CDH4: variants seen among roughly 807,000 people sequenced by gnomAD.
CDH4 encodes the protein cadherin-4.
CDH4 carries 33 observed loss-of-function variants against 86.0 expected under a neutral mutation model. That is an observed-to-expected ratio of 0.38 (90% CI 0.29 to 0.51). The LOEUF is 0.51. Among genes scored for constraint, CDH4 ranks in the 20% least tolerant of loss-of-function variants. The pLI is 0.86. For missense variants in CDH4, 1,114 were observed against 1,307.4 expected (o/e 0.85, Z 2.28); for synonymous variants, 555 against 549.4 (o/e 1.01, Z -0.14).
intron 2 of CDH4, among the ~76,000 whole-genome samples, chr20:61,538,386 CACAG>C (rs1208615618): frequency 6.6e-6 from 1 of 152,122 alleles, no homozygotes; most frequent in Admixed American, 6.5e-5. Flanking sequence ...GAGGTTTACT[CACAG>C]ACAGATTTGT....
intron 2 of CDH4, among the ~76,000 whole-genome samples, chr20:61,323,251 G>A (rs145067495): frequency 2.4e-4 from 37 of 152,302 alleles, no homozygotes; most frequent in African/African-American, 8.4e-4. Flanking sequence ...TAGCTGCAGG[G>A]CAGCCCAGTG....
chr20:61,812,976 G>A (rs550659092), intron 4 of CDH4, among the ~76,000 whole-genome samples: 4 of 152,328 alleles, frequency 2.6e-5, no homozygotes, highest in South Asian at 2.1e-4. Flanking sequence ...AAGTCCAGAC[G>A]TGGTGGAGGC....
intron 2 of CDH4, among the ~76,000 whole-genome samples, chr20:61,508,560 T>C (rs2085758177): frequency 6.6e-6 from 1 of 152,216 alleles, no homozygotes; most frequent in Admixed American, 6.5e-5. Context: ...CAGACCAGGC[T>C]GTGGCAGGGT....
intron 3 of CDH4, among the ~76,000 whole-genome samples, chr20:61,759,137 C>T (rs1478182114): frequency 6.6e-6 from 1 of 152,104 alleles, no homozygotes; most frequent in East Asian, 1.9e-4. Context: ...TTCAGAGCCC[C>T]CCAAGCAGAG....
chr20:61,439,239 G>T (rs1473291017), intron 2 of CDH4, among the ~76,000 whole-genome samples: 1 of 152,112 alleles, frequency 6.6e-6, no homozygotes. Context: ...TGTGCGTTTT[G>T]GTTGTGCTGC....
chr20:61,622,535 A>G (rs972198143), intron 2 of CDH4, among the ~76,000 whole-genome samples: 1 of 152,262 alleles, frequency 6.6e-6, no homozygotes, highest in East Asian at 1.9e-4. Context: ...ACAGGGAGAC[A>G]GAGGGTCCTA....
chr20:61,305,106 G>A (rs1280416892), intron 2 of CDH4, among the ~76,000 whole-genome samples: 2 of 152,034 alleles, frequency 1.3e-5, no homozygotes, highest in East Asian at 3.9e-4. Flanking sequence ...TGTGTGTGGT[G>A]TGTGCTCTGG....
intron 2 of CDH4, among the ~76,000 whole-genome samples, chr20:61,665,816 G>T (rs2087317367): frequency 6.6e-6 from 1 of 152,192 alleles, no homozygotes; most frequent in Admixed American, 6.5e-5. Context: ...AGCGTACACG[G>T]TCCTCCAGCA....
chr20:61,648,515 C>T (rs540447729), intron 2 of CDH4, among the ~76,000 whole-genome samples: 46 of 152,290 alleles, frequency 3.0e-4, no homozygotes, highest in African/African-American at 1.1e-3. Context: ...CCCACTTTGT[C>T]GTCTAGACAG....
At position 61,252,852 on chromosome 20, in the gene CDH4, A is replaced by G. The variant is rs28494162; in HGVS notation, c.57+282A>G. Among the ~76,000 whole-genome samples, 149,521 of 151,824 alleles carry G rather than the reference A, an allele frequency of 0.98. 73,652 individuals carry two copies. The highest frequency in any genetic ancestry group is 1 in the East Asian group (5,036 of 5,036). ...CACCGGACCCGCCGAGCCTCCCTCGAACGCCCAAAGCCCGTAGCCGCTACC... is the reference window on the plus strand; with the variant it reads ...CACCGGACCCGCCGAGCCTCCCTCGGACGCCCAAAGCCCGTAGCCGCTACC... On this transcript the variant is annotated intron_variant, in intron 1 of 15. Transcript: ENST00000614565. This position sits in a 1 kb window ranked among gnomAD's most constrained non-coding sequence, Gnocchi z 4.4.
chr20:61,794,914 G>A (rs1979444006), intron 4 of CDH4, among the ~76,000 whole-genome samples: 1 of 151,924 alleles, frequency 6.6e-6, no homozygotes. Context: ...TAATTCCTGA[G>A]CCACTCCTGA....
rs560302585 is a variant in CDH4, at chr20:61,647,653, T to C, written c.170-95910T>C. Reference sequence around the variant, plus strand: ...GTGGGGAAGATCTTCCCCACCAGGCTGATCCCCATCTGGGAGGCTACTGCT... The same window carrying C: ...GTGGGGAAGATCTTCCCCACCAGGCCGATCCCCATCTGGGAGGCTACTGCT... On this transcript the variant is annotated intron_variant, in intron 2 of 15. Transcript: ENST00000614565. 3.4e-5 allele frequency among the ~76,000 whole-genome samples: 5 copies of C among 149,186 alleles called. No homozygotes were observed. The South Asian group carries it at 1.1e-3, about 33-fold the overall frequency.
chr20:61,660,609 C>T (rs985017467), intron 2 of CDH4, among the ~76,000 whole-genome samples: 17 of 152,034 alleles, frequency 1.1e-4, no homozygotes, highest in African/African-American at 3.4e-4. Context: ...GTGGACGGGG[C>T]GGTCGTTCCC....
intron 7 of CDH4, among the ~76,000 whole-genome samples, chr20:61,892,157 C>T (rs931921186): frequency 5.9e-5 from 9 of 152,208 alleles, no homozygotes; most frequent in African/African-American, 1.4e-4. Flanking sequence ...CACAGGCCAT[C>T]GCTTGCTGTC....
intron 2 of CDH4, among the ~76,000 whole-genome samples, chr20:61,331,975 T>G (rs2084583787): frequency 6.6e-6 from 1 of 152,168 alleles, no homozygotes; most frequent in African/African-American, 2.4e-5. Context: ...AAGGGAGCTG[T>G]GCCTCTGCCC....
chr20:61,820,424 G>A (rs1041743316), intron 4 of CDH4, among the ~76,000 whole-genome samples: 1 of 152,236 alleles, frequency 6.6e-6, no homozygotes, highest in South Asian at 2.1e-4. Context: ...CCCACCTCAA[G>A]GCCTTCACAT....
At chr20:61,342,232 T>A (rs1200323607) in intron 2 of CDH4, among the ~76,000 whole-genome samples, 2 of 152,180 alleles carry the variant, frequency 1.3e-5, no homozygotes, top group African/African-American at 2.4e-5. Context: ...GGGTAGGGAA[T>A]GGTCTGGGGA....
rs113867370 is a variant in CDH4, at chr20:61,716,226, C to T, written c.170-27337C>T. On this transcript the variant is annotated intron_variant, in intron 2 of 15. Transcript: ENST00000614565. ...GCAGATGCTCCTCACCTGTGAGCCGCCCCTTGGCTGGAGCTATAAAGGGAC... is the reference window on the plus strand; with the variant it reads ...GCAGATGCTCCTCACCTGTGAGCCGTCCCTTGGCTGGAGCTATAAAGGGAC... Among the ~76,000 whole-genome samples the T allele has an allele frequency of 5.0e-3, 768 of 152,226 alleles. 9 individuals are homozygous for T. Among genetic ancestry groups the T allele is most frequent in the African/African-American group, 0.017 (712 of 41,516 alleles).
chr20:61,573,544 T>G (rs1244518217), intron 2 of CDH4, among the ~76,000 whole-genome samples: 4 of 152,178 alleles, frequency 2.6e-5, no homozygotes, highest in Non-Finnish European at 5.9e-5. Context: ...GTTGGCATGT[T>G]TGGTGGAGGG....
Sources: gnomAD v4.1 joint callset for allele counts (sites outside exome capture counted in the v4.1 genomes callset) on GRCh38, gnomAD v4.1.1 for gene constraint, Gnocchi (gnomAD v3.1) non-coding constraint, MANE v1.5 for transcripts, NCBI Gene and HGNC (gene_info 2026-07-23, HGNC 2026-07-21) for gene names.